Variants in CNTN4 observed in about 807,000 individuals in gnomAD.
The protein encoded by CNTN4 is contactin 4.
Under a neutral mutation model 122.5 loss-of-function variants are expected in CNTN4, and 77 were observed. That is an observed-to-expected ratio of 0.63 (90% confidence interval 0.52 to 0.76). CNTN4 has a LOEUF of 0.76. CNTN4 is among the 30% of genes least tolerant of loss of function. The probability of loss-of-function intolerance (pLI) is 0.00; values close to 1 mark genes in which losing one functional copy is unlikely to be tolerated. For synonymous variants in CNTN4, 512 were observed against 447.0 expected (o/e 1.15, Z -1.83); for missense variants, 1,256 against 1,259.1 (o/e 1.00, Z 0.04).
At chr3:2,256,334 G>C (rs1339168270) in intron 2 of CNTN4, among the ~76,000 whole-genome samples, 1 of 152,090 alleles carries the variant, frequency 6.6e-6, no homozygotes, top group Non-Finnish European at 1.5e-5. Flanking sequence ...AGGACCAGAT[G>C]GATTTACAGC....
At chr3:2,929,455 T>C (rs1238902167) in intron 13 of CNTN4, among the ~76,000 whole-genome samples, 1 of 152,168 alleles carries the variant, frequency 6.6e-6, no homozygotes, top group Non-Finnish European at 1.5e-5. Context: ...TATACAACAA[T>C]TGTATCAACC....
In CNTN4 at chr3:2,457,102, T is replaced by C. The variant is rs2049033946; in HGVS notation, c.-88-114314T>C. Reference sequence around the variant, plus strand: ...GAGTCTGTACTCTATACTCTTTCTTTCTTTTGTTGCGTCAGCTTCAGACTT... The same window carrying C: ...GAGTCTGTACTCTATACTCTTTCTTCCTTTTGTTGCGTCAGCTTCAGACTT... On this transcript the variant is annotated intron_variant, in intron 3 of 24. Transcript: ENST00000418658. Among the ~76,000 whole-genome samples, 2 of 152,120 alleles carry C rather than the reference T, an allele frequency of 1.3e-5. 1 individual carries two copies. The highest frequency in any genetic ancestry group is 4.1e-4 in the South Asian group (2 of 4,830).
At chr3:2,120,402 TA>T (rs1184026765) in intron 2 of CNTN4, among the ~76,000 whole-genome samples, 637 of 31,010 alleles carry the variant, frequency 0.021, 5 homozygotes, top group East Asian at 0.067. Flanking sequence ...TATATATATA[TA>T]TATTTTTTTT....
intron 6 of CNTN4, among the ~76,000 whole-genome samples, chr3:2,807,621 C>T (rs1017328490): frequency 1.3e-5 from 2 of 152,110 alleles, no homozygotes; most frequent in African/African-American, 2.4e-5. Flanking sequence ...AAAGCTGTTA[C>T]TCCCCATACC....
intron 15 of CNTN4, among the ~76,000 whole-genome samples, chr3:3,028,338 G>C (rs1020021885): frequency 6.6e-6 from 1 of 151,890 alleles, no homozygotes; most frequent in Non-Finnish European, 1.5e-5. Context: ...GTTGGGTCTG[G>C]GTGACTTCAA....
intron 7 of CNTN4, among the ~76,000 whole-genome samples, chr3:2,847,165 G>GC (rs915657536): frequency 4.9e-5 from 5 of 101,264 alleles, no homozygotes; most frequent in Non-Finnish European, 1.1e-4. Context: ...GGCAAATGTT[G>GC]CAAAAAAAAA....
At chr3:2,578,112 A>G (rs34172146) in intron 4 of CNTN4, among the ~76,000 whole-genome samples, 16,929 of 152,198 alleles carry the variant, frequency 0.11, 1,031 homozygotes, top group Non-Finnish European at 0.13. Context: ...TGAATCATCA[A>G]TCACAGGATG....
intron 3 of CNTN4, among the ~76,000 whole-genome samples, chr3:2,369,506 C>G (rs2045546070): frequency 6.6e-6 from 1 of 152,114 alleles, no homozygotes; most frequent in African/African-American, 2.4e-5. Context: ...CAAAGATTAG[C>G]AAGAGGTTGC....
chr3:2,853,722 C>T (rs541949962), intron 7 of CNTN4, among the ~76,000 whole-genome samples: 3 of 152,270 alleles, frequency 2.0e-5, no homozygotes, highest in Non-Finnish European at 2.9e-5. Flanking sequence ...GGACACTTTG[C>T]GCTCGCTCTC....
chr3:2,983,651 T>C (rs1417912069), intron 13 of CNTN4, among the ~76,000 whole-genome samples: 4 of 152,232 alleles, frequency 2.6e-5, no homozygotes. Flanking sequence ...ATCCCATTTT[T>C]ACAAACAAGG....
At chr3:2,728,914 A>T (rs1425148285) in intron 4 of CNTN4, among the ~76,000 whole-genome samples, 1 of 152,204 alleles carries the variant, frequency 6.6e-6, no homozygotes, top group African/African-American at 2.4e-5. Flanking sequence ...TTGACTGTAT[A>T]TCACAGTGCT....
At chr3:2,322,856 G>A (rs1438808873) in intron 2 of CNTN4, among the ~76,000 whole-genome samples, 1 of 152,040 alleles carries the variant, frequency 6.6e-6, no homozygotes, top group African/African-American at 2.4e-5. Context: ...TAAAATAGAG[G>A]AAAAGTTGCT....
intron 4 of CNTN4, among the ~76,000 whole-genome samples, chr3:2,606,207 G>T (rs1193507881): frequency 2.0e-5 from 3 of 152,208 alleles, no homozygotes; most frequent in Non-Finnish European, 4.4e-5. Flanking sequence ...TGGCAGGACA[G>T]GGAAGAATTT....
At chr3:2,185,728 T>C (rs1275514062) in intron 2 of CNTN4, among the ~76,000 whole-genome samples, 3 of 152,166 alleles carry the variant, frequency 2.0e-5, no homozygotes, top group African/African-American at 7.2e-5. Flanking sequence ...CCAATAATGG[T>C]ACAAAGTATT....
chr3:2,821,822 C>T (rs1473598872), intron 7 of CNTN4, among the ~76,000 whole-genome samples: 1 of 152,124 alleles, frequency 6.6e-6, no homozygotes, highest in African/African-American at 2.4e-5. Flanking sequence ...TCAATATCTG[C>T]TATTCTTGTT....
At chr3:2,541,732 G>C (rs2078038353) in intron 3 of CNTN4, among the ~76,000 whole-genome samples, 1 of 152,142 alleles carries the variant, frequency 6.6e-6, no homozygotes, top group African/African-American at 2.4e-5. Flanking sequence ...GTATATGTCA[G>C]ATTGTTCTCA....
At chr3:2,353,847 C>A (rs1258703212) in intron 3 of CNTN4, among the ~76,000 whole-genome samples, 5 of 151,878 alleles carry the variant, frequency 3.3e-5, no homozygotes, top group Non-Finnish European at 7.4e-5. Context: ...TGCAGTGAGC[C>A]AAGATGGCGC....
intron 7 of CNTN4, among the ~76,000 whole-genome samples, chr3:2,839,764 G>A (rs2093312608): frequency 6.6e-6 from 1 of 152,122 alleles, no homozygotes; most frequent in Non-Finnish European, 1.5e-5. Flanking sequence ...CAATCAAACT[G>A]ACTTGATTTC....
Position 2,471,496 on chromosome 3 carries a change from G to A in CNTN4, c.-88-99920G>A, listed in dbSNP as rs115232310. On this transcript the variant is annotated intron_variant, in intron 3 of 24. Coordinates refer to ENST00000418658, the MANE Select transcript of CNTN4 (RefSeq NM_175607.3). ...AATAATTTTTTTTCCTTAGAAGTGA[G>A]TGGCATCTGTGTTTTCTCTTTTTAA... 4.9e-3 allele frequency among the ~76,000 whole-genome samples: 748 copies of A among 152,270 alleles called. 2 individuals carry two copies. Among genetic ancestry groups the A allele is most frequent in the Non-Finnish European group, 8.1e-3 (552 of 68,010 alleles).
Sources: allele counts gnomAD v4.1 joint callset (sites outside exome capture counted in the v4.1 genomes callset), GRCh38; gene constraint gnomAD v4.1.1; transcripts MANE v1.5; gene names NCBI Gene and HGNC (gene_info 2026-07-23, HGNC 2026-07-21).